The following NAP1L4 variants were observed in gnomAD, a reference collection of about 807,000 sequenced individuals.
NAP1L4 encodes the protein nucleosome assembly protein 1 like 4, also known as nucleosome assembly protein 1-like 4.
In NAP1L4, 15 loss-of-function variants were observed where a neutral mutation model predicts 58.2. That is an observed-to-expected ratio of 0.26 (90% CI 0.17 to 0.40). NAP1L4 has a LOEUF of 0.40. Among genes scored for constraint, NAP1L4 ranks in the 10% least tolerant of loss-of-function variants. The probability of loss-of-function intolerance (pLI) is 1.00; values close to 1 mark genes in which losing one functional copy is unlikely to be tolerated. For missense variants in NAP1L4, 384 were observed against 451.1 expected, an observed-to-expected ratio of 0.85 and a Z score of 1.35; for synonymous variants, 171 against 155.6, an observed-to-expected ratio of 1.10 and a Z score of -0.74.
rs1846649919 is a variant in NAP1L4 at position 2,958,091 on chromosome 11, C to T, written c.892+308G>A. On this transcript the variant is annotated intron_variant, in intron 10 of 15. Coordinates refer to ENST00000380542, the MANE Select transcript of NAP1L4 (RefSeq NM_005969.4). ...TCCAAGTGAGGAAGCAGCCCAGGTG[C>T]AAATACTCGATTCAGTTTTCTTAAA... 28 of 528,296 alleles carry T rather than the reference C, an allele frequency of 5.3e-5. 1 individual carries two copies. Among genetic ancestry groups the T allele is most frequent in the South Asian group, 4.0e-4 (26 of 65,102 alleles). 32.7% of individuals were successfully genotyped at this position (528,296 alleles called of 1,614,324 possible).
chr11:2,979,302 T>G (rs1322055873), intron 1 of NAP1L4, 65 bp from the exon 2 acceptor site: 10 of 1,371,142 alleles, frequency 7.3e-6, no homozygotes, highest in African/African-American at 1.5e-5. Flanking sequence ...AATATACTTT[T>G]TAAACAACGG....
chr11:2,981,275 C>T (rs929663981), intron 1 of NAP1L4, among the ~76,000 whole-genome samples: 10 of 150,950 alleles, frequency 6.6e-5, no homozygotes, highest in African/African-American at 1.5e-4. Context: ...CTGGACACAG[C>T]GGCTGATACC....
At chr11:2,972,409 G>A in intron 4 of NAP1L4, 166 bp from the exon 5 acceptor site, 1 of 451,138 alleles carries the variant, frequency 2.2e-6, no homozygotes, top group Non-Finnish European at 3.7e-6. Context: ...AGGAAAAAAA[G>A]GATACAGGAG....
chr11:2,958,053 G>C (rs1029524224), intron 10 of NAP1L4, among the ~76,000 whole-genome samples: 1 of 152,152 alleles, frequency 6.6e-6, no homozygotes, highest in Non-Finnish European at 1.5e-5. Context: ...GGTGGAGAAG[G>C]GTGCTCCAGG....
In NAP1L4 at chr11:2,945,525, G is replaced by C; in HGVS notation, c.*154C>G. 1 of 1,215,604 alleles carries C rather than the reference G, an allele frequency of 8.2e-7. No individual in the cohort carries two copies. The highest frequency in any genetic ancestry group is 1.3e-5 in the South Asian group (1 of 74,760). 75.3% of individuals were successfully genotyped at this position (1,215,604 alleles called of 1,614,324 possible). ...TAGATGGAGTAAGCTCTGTCCACGG[G>C]ATTGTGCTGCGGCAAGGACCGAGGC... On this transcript the variant is annotated 3_prime_UTR_variant, in exon 16 of 16. Coordinates refer to ENST00000380542, the MANE Select transcript of NAP1L4 (RefSeq NM_005969.4).
chr11:2,951,090 T>C lies in NAP1L4; in HGVS notation c.1122+169A>G, dbSNP rs907952422. Reference sequence around the variant, plus strand: ...GTATGTACACTCAACACTCAAATTATAGACACAGTGTCTGAATAATCATTC... The same window carrying C: ...GTATGTACACTCAACACTCAAATTACAGACACAGTGTCTGAATAATCATTC... On this transcript the variant is annotated intron_variant, in intron 14 of 15. Transcript: ENST00000380542. This position sits in a 1 kb window ranked among gnomAD's most constrained non-coding sequence, Gnocchi z 4.0. 1.7e-5 allele frequency: 11 copies of C among 666,432 alleles called. No homozygotes were observed. The highest frequency in any genetic ancestry group is 3.7e-4 in the Middle Eastern group (1 of 2,706). The allele number at this position is 666,432 out of a possible 1,614,324, so 41.3% of individuals were successfully genotyped here. A position where few individuals can be genotyped will look rare whatever the true frequency, so the allele number is the denominator to read the frequency against.
intron 15 of NAP1L4, among the ~76,000 whole-genome samples, 191 bp from the exon 16 acceptor site, chr11:2,945,837 GTTTTT>G (rs200984231): frequency 6.6e-6 from 1 of 151,396 alleles, no homozygotes. Context: ...TCAAAGCAGG[GTTTTT>G]TTTTGTTTTT....
chr11:2,974,672 G>A (rs1375658503), intron 4 of NAP1L4, among the ~76,000 whole-genome samples: 1 of 152,162 alleles, frequency 6.6e-6, no homozygotes, highest in Non-Finnish European at 1.5e-5. Flanking sequence ...AAGGTGGGCA[G>A]ATCACCTGAG....
Position 2,955,872 on chromosome 11 carries a change from T to C in NAP1L4, c.893-106A>G. ...GCTGGTAGATAAAATGTAACATTTCTCACCTCGAGGTTTAACAGAAATCCC... is the reference window on the plus strand; with the variant it reads ...GCTGGTAGATAAAATGTAACATTTCCCACCTCGAGGTTTAACAGAAATCCC... On this transcript the variant is annotated intron_variant, in intron 10 of 15. Transcript: ENST00000380542. This position sits in a 1 kb window ranked among gnomAD's most constrained non-coding sequence, Gnocchi z 4.2. The C allele has an allele frequency of 1.9e-6, 2 of 1,040,328 alleles. No homozygotes were observed. The highest frequency in any genetic ancestry group is 2.9e-6 in the Non-Finnish European group (2 of 697,024). 64.4% of individuals were successfully genotyped at this position (1,040,328 alleles called of 1,614,324 possible).
intron 10 of NAP1L4, among the ~76,000 whole-genome samples, chr11:2,956,009 G>A (rs1440573308): frequency 6.6e-6 from 1 of 152,136 alleles, no homozygotes; most frequent in Non-Finnish European, 1.5e-5. Context: ...CATGTGCCAT[G>A]GGCTGGCACT....
chr11:2,949,154 A>T lies in NAP1L4; in HGVS notation c.*32+73T>A. The T allele has an allele frequency of 1.6e-6, 2 of 1,216,974 alleles. No homozygotes were observed. Among genetic ancestry groups the T allele is most frequent in the South Asian group, 2.6e-5 (2 of 76,554 alleles). 75.4% of individuals were successfully genotyped at this position (1,216,974 alleles called of 1,614,324 possible). A position where few individuals can be genotyped will look rare whatever the true frequency, so the allele number is the denominator to read the frequency against. On this transcript the variant is annotated intron_variant, in intron 15 of 15. Coordinates refer to ENST00000380542, the MANE Select transcript of NAP1L4 (RefSeq NM_005969.4). The surrounding 1 kb of genome is among the most constrained non-coding windows in gnomAD (Gnocchi z 4.0). ...GGACAGCAACTCCCTCTTTATTCAA[A>T]GTCAAAACAATGCATTGTATAAAGT...
chr11:2,955,881 G>T lies in NAP1L4; in HGVS notation c.893-115C>A. On this transcript the variant is annotated intron_variant, in intron 10 of 15. Transcript: ENST00000380542. The surrounding 1 kb of genome is among the most constrained non-coding windows in gnomAD (Gnocchi z 4.2). ...TAAAATGTAACATTTCTCACCTCGA[G>T]GTTTAACAGAAATCCCCAAAGCCTT... 1 of 936,922 alleles carries T rather than the reference G, an allele frequency of 1.1e-6. No individual in the cohort carries two copies. The highest frequency in any genetic ancestry group is 1.6e-6 in the Non-Finnish European group (1 of 613,048). The allele number at this position is 936,922 out of a possible 1,614,324, so 58.0% of individuals were successfully genotyped here. A position where few individuals can be genotyped will look rare whatever the true frequency, so the allele number is the denominator to read the frequency against.
chr11:2,987,317 T>G (rs868444480), intron 1 of NAP1L4, among the ~76,000 whole-genome samples: 36 of 151,942 alleles, frequency 2.4e-4, no homozygotes, highest in South Asian at 1.0e-3. Context: ...TGTTGTTGTT[T>G]TTTGAGGTGG....
intron 15 of NAP1L4, among the ~76,000 whole-genome samples, chr11:2,947,752 C>G: frequency 6.6e-6 from 1 of 152,100 alleles, no homozygotes; most frequent in East Asian, 1.9e-4. Flanking sequence ...TAAAAGGTAC[C>G]AACTAATAGG....
At chr11:2,953,733 G>A (rs529568057) in intron 12 of NAP1L4, among the ~76,000 whole-genome samples, 2 of 152,334 alleles carry the variant, frequency 1.3e-5, no homozygotes, top group South Asian at 4.1e-4. Flanking sequence ...AGGAGATGTT[G>A]GCCTTTACTG....
At chr11:2,958,609 C>T in intron 9 of NAP1L4, 65 bp from the exon 10 acceptor site, 6 of 1,533,630 alleles carry the variant, frequency 3.9e-6, no homozygotes, top group Non-Finnish European at 5.3e-6. Flanking sequence ...CAAATGCATG[C>T]AGGAAGCAAA....
intron 8 of NAP1L4, among the ~76,000 whole-genome samples, chr11:2,961,247 G>A (rs981196028): frequency 5.9e-5 from 9 of 152,276 alleles, no homozygotes; most frequent in African/African-American, 1.2e-4. Flanking sequence ...AGGAGGAGGC[G>A]GGGCATGAGG....
chr11:2,949,213 G>A lies in NAP1L4; in HGVS notation c.*32+14C>T. 6.3e-7 allele frequency: 1 copy of A among 1,576,030 alleles called. No homozygotes were observed. The highest frequency in any genetic ancestry group is 1.4e-5 in the African/African-American group (1 of 74,060). ...GAAGTTTGGAAGTTAGGTATGAATGGAATTCCACCTTACCTAGAAACGTAT... is the reference window on the plus strand; with the variant it reads ...GAAGTTTGGAAGTTAGGTATGAATGAAATTCCACCTTACCTAGAAACGTAT... On this transcript the variant is annotated intron_variant, in intron 15 of 15. Coordinates refer to ENST00000380542, the MANE Select transcript of NAP1L4 (RefSeq NM_005969.4). This position sits in a 1 kb window ranked among gnomAD's most constrained non-coding sequence, Gnocchi z 4.0.
chr11:2,955,594 C>T lies in NAP1L4; in HGVS notation c.915+150G>A. 1.4e-6 allele frequency: 1 copy of T among 715,322 alleles called. No homozygotes were observed. The highest frequency in any genetic ancestry group is 2.4e-6 in the Non-Finnish European group (1 of 425,462). The allele number at this position is 715,322 out of a possible 1,614,324, so 44.3% of individuals were successfully genotyped here. ...CTCAAACTCCTGGACTCGTGCAGTC[C>T]TCCCACCTCAGCCTCCCAAAGCATT... On this transcript the variant is annotated intron_variant, in intron 11 of 15. Transcript: ENST00000380542. This position sits in a 1 kb window ranked among gnomAD's most constrained non-coding sequence, Gnocchi z 4.2.
Sources: allele counts gnomAD v4.1 joint callset (sites outside exome capture counted in the v4.1 genomes callset), GRCh38; gene constraint gnomAD v4.1.1; non-coding constraint Gnocchi (gnomAD v3.1); transcripts MANE v1.5; gene names NCBI Gene and HGNC (gene_info 2026-07-23, HGNC 2026-07-21).